Variants in MAML1 observed in about 807,000 individuals in gnomAD.
MAML1 encodes the protein mastermind-like protein 1.
Under a neutral mutation model 77.1 loss-of-function variants are expected in MAML1, and 14 were observed. The observed-to-expected ratio is 0.18, with a 90% CI of 0.12 to 0.28. MAML1 has a LOEUF of 0.28. Among genes scored for constraint, MAML1 ranks in the 10% least tolerant of loss-of-function variants. The pLI is 1.00. For missense variants in MAML1, 1,217 were observed against 1,327.8 expected, an observed-to-expected ratio of 0.92 and a Z score of 1.30; for synonymous variants, 516 against 551.9, an observed-to-expected ratio of 0.93 and a Z score of 0.91.
intron 1 of MAML1, among the ~76,000 whole-genome samples, chr5:179,754,105 G>A (rs1172903197): frequency 1.3e-5 from 2 of 152,020 alleles, no homozygotes; most frequent in Admixed American, 6.5e-5. Context: ...GTAATATGGT[G>A]AAACCCCATC....
intron 1 of MAML1, 93 bp downstream of exon 1, chr5:179,733,520 C>A (rs576616264): frequency 4.2e-6 from 4 of 959,550 alleles, no homozygotes; most frequent in Admixed American, 1.1e-4. Context: ...GGGAGACTTC[C>A]CCAGGCGTCC....
intron 1 of MAML1, among the ~76,000 whole-genome samples, chr5:179,737,958 G>A (rs559757811): frequency 3.0e-5 from 4 of 132,436 alleles, no homozygotes; most frequent in East Asian, 2.1e-4. Flanking sequence ...CACCGCACCC[G>A]GCTAGGTTTT....
chr5:179,750,508 A>G (rs895602594), intron 1 of MAML1, among the ~76,000 whole-genome samples: 7 of 152,112 alleles, frequency 4.6e-5, no homozygotes, highest in African/African-American at 1.7e-4. Context: ...ACTCCCAGGC[A>G]GGAGTACAGT....
rs560366144 is a variant in MAML1 at position 179,767,316 on chromosome 5, G to A, written c.1731+575G>A. 2.0e-5 allele frequency among the ~76,000 whole-genome samples: 3 copies of A among 152,186 alleles called. No homozygotes were observed. The East Asian group carries it at 5.8e-4, about 29-fold the overall frequency. Reference sequence around the variant, plus strand: ...TAGTGCAGATAAGCCTGCAGTGAACGTGAATTTGTAATACATGCTAAAATT... The same window carrying A: ...TAGTGCAGATAAGCCTGCAGTGAACATGAATTTGTAATACATGCTAAAATT... On this transcript the variant is annotated intron_variant, in intron 2 of 4. Coordinates refer to ENST00000292599, the MANE Select transcript of MAML1 (RefSeq NM_014757.5).
chr5:179,759,919 G>C (rs1026034727), intron 1 of MAML1, among the ~76,000 whole-genome samples: 1 of 152,192 alleles, frequency 6.6e-6, no homozygotes, highest in African/African-American at 2.4e-5. Context: ...TAAGGAGGTA[G>C]ACTCTACAGG....
chr5:179,734,173 CAA>C (rs1779121801), intron 1 of MAML1, among the ~76,000 whole-genome samples: 1 of 152,144 alleles, frequency 6.6e-6, no homozygotes, highest in South Asian at 2.1e-4. Context: ...AACAGATTTA[CAA>C]AAGAGACAAG....
intron 1 of MAML1, among the ~76,000 whole-genome samples, chr5:179,739,794 A>G (rs1206574943): frequency 1.3e-5 from 2 of 152,212 alleles, no homozygotes; most frequent in African/African-American, 4.8e-5. Context: ...ATGTGTATAT[A>G]TTATTGCAAA....
intron 4 of MAML1, among the ~76,000 whole-genome samples, chr5:179,772,448 G>C (rs758148166): frequency 1.8e-4 from 27 of 152,090 alleles, no homozygotes; most frequent in Non-Finnish European, 3.5e-4. Context: ...CTAGTAGAGA[G>C]GAAGAAGAAC....
intron 1 of MAML1, among the ~76,000 whole-genome samples, chr5:179,745,236 T>G (rs1779356402): frequency 6.6e-6 from 1 of 152,120 alleles, no homozygotes; most frequent in Admixed American, 6.5e-5. Context: ...AATTATTATG[T>G]AAAAAAGTAC....
chr5:179,757,373 G>A (rs1359290416), intron 1 of MAML1, among the ~76,000 whole-genome samples: 1 of 152,062 alleles, frequency 6.6e-6, no homozygotes, highest in Non-Finnish European at 1.5e-5. Context: ...TTCAAGACCA[G>A]CCTGACCAAC....
rs896851177 is a variant in MAML1, at chr5:179,769,574, A to G, written c.1971+485A>G. ...AGTGAGAGTTCTTTTTTTTTTTTGG[A>G]GACAGAGTCTTGCTGTCACCCAGGC... On this transcript the variant is annotated intron_variant, in intron 3 of 4. Coordinates refer to ENST00000292599, the MANE Select transcript of MAML1 (RefSeq NM_014757.5). The surrounding 1 kb of genome is among the most constrained non-coding windows in gnomAD (Gnocchi z 4.2). Among the ~76,000 whole-genome samples the G allele has an allele frequency of 6.6e-6, 1 of 150,664 alleles. No homozygotes were observed. The highest frequency in any genetic ancestry group is 1.5e-5 in the Non-Finnish European group (1 of 67,636).
chr5:179,758,377 A>AT (rs927287900), intron 1 of MAML1, among the ~76,000 whole-genome samples: 19 of 143,838 alleles, frequency 1.3e-4, no homozygotes, highest in Non-Finnish European at 2.0e-4. Flanking sequence ...CAGTTCTCTG[A>AT]TTTTTTTTTC....
intron 1 of MAML1, among the ~76,000 whole-genome samples, chr5:179,750,585 T>A (rs547749375): frequency 8.5e-5 from 13 of 152,112 alleles, no homozygotes; most frequent in African/African-American, 3.1e-4. Flanking sequence ...TTCAGTGTCC[T>A]TAGTAGCTGG....
At chr5:179,752,344 A>ATATATAGATATATATATATATATATAT (rs1292142222) in intron 1 of MAML1, among the ~76,000 whole-genome samples, 1 of 93,250 alleles carries the variant, frequency 1.1e-5, no homozygotes, top group African/African-American at 4.2e-5. Flanking sequence ...AAAAAAAAAA[A>ATATATAGATATATATATATATATATAT]AAAAAAATAT....
intron 1 of MAML1, among the ~76,000 whole-genome samples, chr5:179,760,857 C>T (rs908738125): frequency 6.0e-5 from 9 of 150,996 alleles, no homozygotes; most frequent in African/African-American, 1.5e-4. Flanking sequence ...TTTGGGAGGC[C>T]GAGGTGGGCA....
At chr5:179,761,581 G>A (rs925469202) in intron 1 of MAML1, among the ~76,000 whole-genome samples, 3 of 152,158 alleles carry the variant, frequency 2.0e-5, no homozygotes, top group Admixed American at 1.3e-4. Flanking sequence ...TGTAATCCCC[G>A]CTGCTCGAGA....
At chr5:179,749,710 C>T (rs1176897192) in intron 1 of MAML1, among the ~76,000 whole-genome samples, 1 of 152,184 alleles carries the variant, frequency 6.6e-6, no homozygotes, top group Non-Finnish European at 1.5e-5. Flanking sequence ...CCTGGGAGGC[C>T]CACAGAGGAT....
chr5:179,738,057 T>A (rs1280718964), intron 1 of MAML1, among the ~76,000 whole-genome samples: 2 of 152,188 alleles, frequency 1.3e-5, no homozygotes, highest in Non-Finnish European at 2.9e-5. Flanking sequence ...AGTTTCTTTC[T>A]CTCTTTTTTA....
At position 179,775,036 on chromosome 5, in the gene MAML1, G is replaced by A. The variant is rs1011100658; in HGVS notation, c.*159G>A. The A allele has an allele frequency of 1.4e-5, 20 of 1,435,478 alleles. No homozygotes were observed. Among genetic ancestry groups the A allele is most frequent in the South Asian group, 1.5e-5 (1 of 65,652 alleles). 88.9% of individuals were successfully genotyped at this position (1,435,478 alleles called of 1,614,324 possible). A position where few individuals can be genotyped will look rare whatever the true frequency, so the allele number is the denominator to read the frequency against. On this transcript the variant is annotated 3_prime_UTR_variant, in exon 5 of 5. Coordinates refer to ENST00000292599, the MANE Select transcript of MAML1 (RefSeq NM_014757.5). ...AGGCCTGGCCCTGGGCAGGGTCTGTGGCTGCGCCCCTCAGGCCAGCAGTTG... is the reference window on the plus strand; with the variant it reads ...AGGCCTGGCCCTGGGCAGGGTCTGTAGCTGCGCCCCTCAGGCCAGCAGTTG...
Sources: gnomAD v4.1 joint callset for allele counts (sites outside exome capture counted in the v4.1 genomes callset) on GRCh38, gnomAD v4.1.1 for gene constraint, Gnocchi (gnomAD v3.1) non-coding constraint, MANE v1.5 for transcripts, NCBI Gene and HGNC (gene_info 2026-07-23, HGNC 2026-07-21) for gene names.